RALYL: variants seen among roughly 807,000 people sequenced by gnomAD.
The protein encoded by RALYL is RNA-binding Raly-like protein.
RALYL carries 29 observed loss-of-function variants against 35.1 expected under a neutral mutation model. The observed-to-expected ratio is 0.83, with a 90% CI of 0.61 to 1.13. RALYL has a LOEUF of 1.13. Among genes scored for constraint, RALYL ranks in the 50% most tolerant of loss-of-function variants. The pLI, the probability that RALYL is intolerant of heterozygous loss-of-function variation, is 0.00. For missense variants in RALYL, 359 were observed against 360.4 expected, an observed-to-expected ratio of 1.00 and a Z score of 0.03; for synonymous variants, 120 against 127.6, an observed-to-expected ratio of 0.94 and a Z score of 0.40.
chr8:84,433,843 GTATATA>G (rs34226254), intron 1 of RALYL, among the ~76,000 whole-genome samples: 1 of 135,402 alleles, frequency 7.4e-6, no homozygotes, highest in African/African-American at 2.6e-5. Context: ...ATGTGTGTGT[GTATATA>G]TATATATATA....
intron 1 of RALYL, among the ~76,000 whole-genome samples, chr8:84,193,559 C>G (rs1263342470): frequency 1.3e-5 from 2 of 152,188 alleles, no homozygotes; most frequent in African/African-American, 4.8e-5. Context: ...ACAATGCTGA[C>G]TGCAAAGAGT....
chr8:84,411,819 T>C (rs1285048769), intron 1 of RALYL, among the ~76,000 whole-genome samples: 1 of 151,958 alleles, frequency 6.6e-6, no homozygotes, highest in Non-Finnish European at 1.5e-5. Context: ...AATTACTGAA[T>C]AAAATAGTGG....
At chr8:84,581,279 A>C (rs1810766299) in intron 2 of RALYL, among the ~76,000 whole-genome samples, 1 of 152,196 alleles carries the variant, frequency 6.6e-6, no homozygotes, top group Non-Finnish European at 1.5e-5. Context: ...AGGGGTCAGA[A>C]TTTTAGAACA....
chr8:84,510,533 A>T (rs1462765299), intron 1 of RALYL, among the ~76,000 whole-genome samples: 1 of 152,148 alleles, frequency 6.6e-6, no homozygotes, highest in Non-Finnish European at 1.5e-5. Flanking sequence ...AGCTTCAGCC[A>T]GGCACGGTGG....
At chr8:84,279,383 C>A (rs903415320) in intron 1 of RALYL, among the ~76,000 whole-genome samples, 3 of 151,960 alleles carry the variant, frequency 2.0e-5, no homozygotes, top group African/African-American at 7.3e-5. Context: ...AGTTTGATGT[C>A]CATATTAAAG....
chr8:84,491,538 T>C (rs1290521757), intron 1 of RALYL, among the ~76,000 whole-genome samples: 1 of 152,018 alleles, frequency 6.6e-6, no homozygotes, highest in African/African-American at 2.4e-5. Context: ...TGTAATTGCC[T>C]AGCTGATTCC....
At chr8:84,488,136 C>T (rs7834473) in intron 1 of RALYL, among the ~76,000 whole-genome samples, 6,434 of 151,968 alleles carry the variant, frequency 0.042, 294 homozygotes, top group African/African-American at 0.11. Context: ...TTTATAGAGA[C>T]GAATATTTTC....
intron 6 of RALYL, among the ~76,000 whole-genome samples, chr8:84,870,548 T>C (rs1840016264): frequency 6.7e-6 from 1 of 148,244 alleles, no homozygotes; most frequent in Non-Finnish European, 1.5e-5. Flanking sequence ...GAAGATAGTA[T>C]TACCAATGTC....
intron 1 of RALYL, among the ~76,000 whole-genome samples, chr8:84,475,996 C>G (rs1046263565): frequency 6.6e-6 from 1 of 152,126 alleles, no homozygotes; most frequent in African/African-American, 2.4e-5. Flanking sequence ...TAATAACAGG[C>G]ATTCATTCAA....
chr8:84,764,108 C>T (rs1242540404), intron 2 of RALYL, among the ~76,000 whole-genome samples: 1 of 152,140 alleles, frequency 6.6e-6, no homozygotes, highest in African/African-American at 2.4e-5. Flanking sequence ...GAATCTGTGT[C>T]TTGGGAAGAA....
chr8:84,431,627 A>G (rs1358063586), intron 1 of RALYL, among the ~76,000 whole-genome samples: 12 of 152,000 alleles, frequency 7.9e-5, no homozygotes, highest in Admixed American at 7.9e-4. Flanking sequence ...TTTTGATTCC[A>G]TATTTGAGTG....
intron 1 of RALYL, among the ~76,000 whole-genome samples, chr8:84,416,594 ATTACTTT>A (rs1222569762): frequency 5.3e-5 from 8 of 152,188 alleles, no homozygotes; most frequent in Non-Finnish European, 1.0e-4. Context: ...TAAATGTGGG[ATTACTTT>A]TACCTTTGCA....
At chr8:84,314,160 A>T (rs1024203726) in intron 1 of RALYL, among the ~76,000 whole-genome samples, 1 of 151,988 alleles carries the variant, frequency 6.6e-6, no homozygotes, top group Non-Finnish European at 1.5e-5. Context: ...AAACAACCAG[A>T]TCCTATCAGA....
chr8:84,203,814 A>G (rs189835324), intron 1 of RALYL, among the ~76,000 whole-genome samples: 141 of 152,212 alleles, frequency 9.3e-4, no homozygotes, highest in Non-Finnish European at 1.5e-3. Context: ...ATATTCTGGC[A>G]TTCATTCAAT....
chr8:84,253,176 GTTTTTTTTTTTT>G (rs764942491), intron 1 of RALYL, among the ~76,000 whole-genome samples: 6 of 52,822 alleles, frequency 1.1e-4, no homozygotes, highest in African/African-American at 3.5e-4. Flanking sequence ...TAGTTCTGCA[GTTTTTTTTTTTT>G]TTTTTTTTTT....
chr8:84,201,474 T>A (rs1816827928), intron 1 of RALYL, among the ~76,000 whole-genome samples: 2 of 152,152 alleles, frequency 1.3e-5, no homozygotes, highest in Admixed American at 1.3e-4. Flanking sequence ...TGAGTGTGTG[T>A]GGAGAAATCA....
intron 5 of RALYL, among the ~76,000 whole-genome samples, chr8:84,852,825 C>T (rs1437095642): frequency 3.9e-5 from 6 of 152,136 alleles, no homozygotes; most frequent in African/African-American, 1.4e-4. Context: ...ATAGACAGAG[C>T]AGAGTATTCC....
intron 1 of RALYL, among the ~76,000 whole-genome samples, chr8:84,287,097 T>C (rs74551943): frequency 0.019 from 2,882 of 152,320 alleles, 42 homozygotes; most frequent in Non-Finnish European, 0.031. Flanking sequence ...TCAGGACCAG[T>C]GAGGTGCCTG....
At chr8:84,553,672 T>A (rs561960891) in intron 2 of RALYL, among the ~76,000 whole-genome samples, 12 of 152,304 alleles carry the variant, frequency 7.9e-5, no homozygotes, top group African/African-American at 2.4e-4. Flanking sequence ...TATTAAATTA[T>A]TTTGTAACCT....
Sources: gnomAD v4.1 joint callset for allele counts (sites outside exome capture counted in the v4.1 genomes callset) on GRCh38, gnomAD v4.1.1 for gene constraint, MANE v1.5 for transcripts, NCBI Gene and HGNC (gene_info 2026-07-23, HGNC 2026-07-21) for gene names.